Variants in DCLK2 observed in about 807,000 individuals in gnomAD.
The protein encoded by DCLK2 is doublecortin like kinase 2, also known as serine/threonine-protein kinase DCLK2.
In DCLK2, 31 loss-of-function variants were observed where a neutral mutation model predicts 78.4. The ratio of observed to expected loss-of-function variants is 0.40; its 90% CI spans 0.30 to 0.53. The LOEUF (loss-of-function observed/expected upper bound fraction) is 0.53. DCLK2 is among the 20% of genes least tolerant of loss of function. The pLI, the probability that DCLK2 is intolerant of heterozygous loss-of-function variation, is 0.61. For missense variants in DCLK2, 872 were observed against 973.7 expected, an observed-to-expected ratio of 0.90 and a Z score of 1.39; for synonymous variants, 407 against 374.9, an observed-to-expected ratio of 1.09 and a Z score of -0.99.
intron 2 of DCLK2, among the ~76,000 whole-genome samples, chr4:150,111,460 G>C (rs1731687873): frequency 6.6e-6 from 1 of 152,182 alleles, no homozygotes; most frequent in African/African-American, 2.4e-5. Context: ...TGCTTTTGCT[G>C]TGCAGAAGCT....
intron 2 of DCLK2, among the ~76,000 whole-genome samples, chr4:150,103,331 TAGTG>T (rs1731017245): frequency 1.3e-5 from 2 of 152,282 alleles, no homozygotes. Flanking sequence ...TGGAGGTAAT[TAGTG>T]AGCATTTTTG....
intron 5 of DCLK2, 101 bp downstream of exon 5, chr4:150,203,990 TAAAA>T (rs1739652483): frequency 1.8e-6 from 2 of 1,112,942 alleles, no homozygotes; most frequent in East Asian, 4.9e-5. Context: ...AGTAGCAAAT[TAAAA>T]AGATTTTAGG....
At chr4:150,237,948 C>T (rs571001359) in intron 10 of DCLK2, among the ~76,000 whole-genome samples, 2 of 152,228 alleles carry the variant, frequency 1.3e-5, no homozygotes, top group African/African-American at 4.8e-5. Flanking sequence ...AGACTATACA[C>T]TCAGGTTCAG....
intron 2 of DCLK2, among the ~76,000 whole-genome samples, chr4:150,182,818 C>T (rs56658749): frequency 0.022 from 3,368 of 152,194 alleles, 110 homozygotes; most frequent in African/African-American, 0.072. Context: ...TACTGGACTT[C>T]CTTTCTGAGT....
At chr4:150,214,226 A>G (rs180861510) in intron 5 of DCLK2, among the ~76,000 whole-genome samples, 9 of 152,350 alleles carry the variant, frequency 5.9e-5, no homozygotes, top group African/African-American at 2.2e-4. Context: ...TCATCCACAG[A>G]TGTTCTCAAC....
intron 2 of DCLK2, among the ~76,000 whole-genome samples, chr4:150,184,012 G>A (rs1375964153): frequency 6.6e-6 from 1 of 152,144 alleles, no homozygotes; most frequent in African/African-American, 2.4e-5. Flanking sequence ...GGGATTACAG[G>A]CGTGAGCCAC....
At chr4:150,213,851 C>T (rs1740488156) in intron 5 of DCLK2, among the ~76,000 whole-genome samples, 1 of 152,178 alleles carries the variant, frequency 6.6e-6, no homozygotes, top group South Asian at 2.1e-4. Flanking sequence ...GGACTTTTCT[C>T]ATAAACTTAG....
At chr4:150,228,975 G>A (rs1379765914) in intron 8 of DCLK2, among the ~76,000 whole-genome samples, 4 of 151,574 alleles carry the variant, frequency 2.6e-5, no homozygotes, top group Admixed American at 6.6e-5. Context: ...GCAGTGAGCC[G>A]AGATTGCGCC....
chr4:150,087,216 C>T (rs1729711302), intron 1 of DCLK2, among the ~76,000 whole-genome samples: 2 of 152,060 alleles, frequency 1.3e-5, no homozygotes, highest in African/African-American at 2.4e-5. Context: ...GTGAGGTCGC[C>T]CTAAGTACTT....
At chr4:150,107,440 G>A (rs1220300784) in intron 2 of DCLK2, among the ~76,000 whole-genome samples, 3 of 147,476 alleles carry the variant, frequency 2.0e-5, no homozygotes, top group Non-Finnish European at 3.0e-5. Context: ...GGGCAATGGC[G>A]ATCTCGGCTT....
rs561938104 is a variant in DCLK2 at position 150,256,379 on chromosome 4, C to A, written c.*132C>A. The stretch of plus-strand genomic sequence containing the variant: ...CCTGAGTTCGCGGGTCCTCCGCAGG[C>A]CGCCTGGGAACCGGAGCCTGGCGTG... On this transcript the variant is annotated 3_prime_UTR_variant, in exon 16 of 16. Transcript: ENST00000296550. 208 of 1,275,536 alleles carry A rather than the reference C, an allele frequency of 1.6e-4. 1 individual carries two copies. In the South Asian group the frequency reaches 3.1e-3, roughly 19 times the overall value. The allele number at this position is 1,275,536 out of a possible 1,614,324, so 79.0% of individuals were successfully genotyped here. A position where few individuals can be genotyped will look rare whatever the true frequency, so the allele number is the denominator to read the frequency against.
At position 150,221,739 on chromosome 4, in the gene DCLK2, G is replaced by GTCAT; in HGVS notation, c.1197_1200dup (p.Gly401HisfsTer3). On this transcript the variant is annotated frameshift_variant, in exon 7 of 16. Coordinates refer to ENST00000296550, the MANE Select transcript of DCLK2 (RefSeq NM_001040260.4). LOFTEE classifies it high-confidence loss of function. ...TCTTGAGAAATACAAAATTGGAAAG[G>GTCAT]TCATTGGTGATGGCAATTTTGCAGT... 6.2e-7 allele frequency: 1 copy of GTCAT among 1,607,626 alleles called. No homozygotes were observed. Among genetic ancestry groups the GTCAT allele is most frequent in the Non-Finnish European group, 8.5e-7 (1 of 1,177,682 alleles).
At chr4:150,163,018 T>A (rs560748175) in intron 2 of DCLK2, among the ~76,000 whole-genome samples, 33 of 152,338 alleles carry the variant, frequency 2.2e-4, no homozygotes, top group Admixed American at 5.9e-4. Flanking sequence ...CAACACATCT[T>A]TCTTTCTTCC....
intron 3 of DCLK2, among the ~76,000 whole-genome samples, chr4:150,194,236 G>A (rs571869313): frequency 6.6e-6 from 1 of 152,046 alleles, no homozygotes; most frequent in Non-Finnish European, 1.5e-5. Flanking sequence ...ACAGTATTTG[G>A]TACAGTTACG....
At chr4:150,201,319 C>G (rs996959455) in intron 4 of DCLK2, among the ~76,000 whole-genome samples, 3 of 152,134 alleles carry the variant, frequency 2.0e-5, no homozygotes, top group African/African-American at 7.2e-5. Context: ...ATACCTTCCA[C>G]TTGCGGCAGC....
chr4:150,135,589 G>T (rs1733633997), intron 2 of DCLK2, among the ~76,000 whole-genome samples: 1 of 152,172 alleles, frequency 6.6e-6, no homozygotes, highest in African/African-American at 2.4e-5. Context: ...GCAGGATGCT[G>T]CAGTGAAATG....
intron 2 of DCLK2, among the ~76,000 whole-genome samples, chr4:150,155,337 G>A (rs938489059): frequency 6.6e-6 from 1 of 152,194 alleles, no homozygotes; most frequent in African/African-American, 2.4e-5. Context: ...ATGCTGCATA[G>A]TTTTCTTCTG....
At chr4:150,138,900 G>T (rs1733902970) in intron 2 of DCLK2, among the ~76,000 whole-genome samples, 1 of 151,900 alleles carries the variant, frequency 6.6e-6, no homozygotes, top group African/African-American at 2.4e-5. Flanking sequence ...TCCTGACCTT[G>T]TGATCTGCCC....
At chr4:150,139,045 T>G (rs1356347685) in intron 2 of DCLK2, among the ~76,000 whole-genome samples, 1 of 151,902 alleles carries the variant, frequency 6.6e-6, no homozygotes, top group Non-Finnish European at 1.5e-5. Flanking sequence ...ATTGAAAAAT[T>G]TTTTTCAATG....
Sources: gnomAD v4.1 joint callset for allele counts (sites outside exome capture counted in the v4.1 genomes callset) on GRCh38, gnomAD v4.1.1 for gene constraint, MANE v1.5 for transcripts, NCBI Gene and HGNC (gene_info 2026-07-23, HGNC 2026-07-21) for gene names.